EYS: variants seen among roughly 807,000 people sequenced by gnomAD.
EYS encodes protein eyes shut homolog.
Under a neutral mutation model 282.1 loss-of-function variants are expected in EYS, and 250 were observed. That is an observed-to-expected ratio of 0.89 (90% CI 0.80 to 0.98). EYS has a LOEUF of 0.98. Ranked by LOEUF, EYS falls within the 50% of genes least tolerant of loss-of-function variation. EYS has a pLI of 0.00. For synonymous variants in EYS, 1,355 were observed against 1,282.9 expected, an observed-to-expected ratio of 1.06 and a Z score of -1.20; for missense variants, 4,016 against 3,709.0, an observed-to-expected ratio of 1.08 and a Z score of -2.15.
intron 26 of EYS, among the ~76,000 whole-genome samples, chr6:64,508,551 T>TTTTTTATTATTA (rs149886419): frequency 4.9e-5 from 7 of 142,506 alleles, no homozygotes; most frequent in African/African-American, 1.8e-4. Context: ...TTTCTAAGTA[T>TTTTTTATTATTA]TTATTATTAT....
At chr6:65,175,089 T>A (rs1451491730) in intron 12 of EYS, among the ~76,000 whole-genome samples, 1 of 151,324 alleles carries the variant, frequency 6.6e-6, no homozygotes, top group Non-Finnish European at 1.5e-5. Flanking sequence ...CTTTTATTTT[T>A]TGAAACAGTA....
intron 14 of EYS, among the ~76,000 whole-genome samples, chr6:64,964,472 C>T (rs1770030512): frequency 6.6e-6 from 1 of 151,964 alleles, no homozygotes. Flanking sequence ...TGTTAAATTA[C>T]ATTTTTCTTT....
intron 26 of EYS, among the ~76,000 whole-genome samples, chr6:64,537,789 T>G (rs1386773150): frequency 1.3e-5 from 2 of 152,200 alleles, no homozygotes; most frequent in East Asian, 3.9e-4. Context: ...TGTGATAGAC[T>G]TATTCTTTTG....
At chr6:65,620,432 G>C (rs900104345) in intron 2 of EYS, among the ~76,000 whole-genome samples, 1 of 151,890 alleles carries the variant, frequency 6.6e-6, no homozygotes, top group Non-Finnish European at 1.5e-5. Context: ...GTGTCTATTT[G>C]ATTCTTCTCT....
chr6:65,567,096 T>C (rs73449358), intron 2 of EYS, among the ~76,000 whole-genome samples: 13,561 of 151,946 alleles, frequency 0.089, 839 homozygotes, highest in African/African-American at 0.15. Context: ...TGGATTGTTA[T>C]AAAATCTAGC....
At chr6:64,187,178 T>C (rs1220028073) in intron 31 of EYS, among the ~76,000 whole-genome samples, 7 of 152,130 alleles carry the variant, frequency 4.6e-5, no homozygotes, top group Non-Finnish European at 1.0e-4. Flanking sequence ...AAAGTGTGCA[T>C]TTGTACTTGG....
At chr6:65,344,256 A>C in intron 9 of EYS, 79 bp from the exon 10 acceptor site, 1 of 1,153,732 alleles carries the variant, frequency 8.7e-7, no homozygotes, top group Non-Finnish European at 1.3e-6. Context: ...GACTGTGGTC[A>C]AATTACTTGA....
intron 22 of EYS, among the ~76,000 whole-genome samples, chr6:64,789,216 G>C (rs1774108785): frequency 1.3e-5 from 2 of 152,058 alleles, no homozygotes; most frequent in South Asian, 2.1e-4. Flanking sequence ...CTCCTTACAA[G>C]ATTTTTAACA....
At chr6:65,545,174 C>T (rs2351261) in intron 2 of EYS, among the ~76,000 whole-genome samples, 113,241 of 151,548 alleles carry the variant, frequency 0.75, 43,050 homozygotes, top group African/African-American at 0.89. Context: ...AAAATTGCCT[C>T]AGCTTCCCAA....
chr6:64,926,182 G>A (rs527909693), intron 15 of EYS, among the ~76,000 whole-genome samples: 4 of 152,242 alleles, frequency 2.6e-5, no homozygotes, highest in Admixed American at 1.3e-4. Context: ...ACCCACTCAT[G>A]TCCTCTGAAG....
At chr6:64,646,160 A>G (rs1433134401) in intron 22 of EYS, among the ~76,000 whole-genome samples, 1 of 152,212 alleles carries the variant, frequency 6.6e-6, no homozygotes, top group Non-Finnish European at 1.5e-5. Flanking sequence ...GCTACAAGGC[A>G]TTTTCCAACC....
At chr6:63,892,394 G>A (rs1773432492) in intron 35 of EYS, among the ~76,000 whole-genome samples, 1 of 152,036 alleles carries the variant, frequency 6.6e-6, no homozygotes, top group Non-Finnish European at 1.5e-5. Flanking sequence ...ATAGACCAAT[G>A]GAACAGAACA....
chr6:63,989,431 A>C (rs899068628), intron 34 of EYS, among the ~76,000 whole-genome samples: 3 of 151,722 alleles, frequency 2.0e-5, no homozygotes, highest in Non-Finnish European at 4.4e-5. Flanking sequence ...AAAAAATAAC[A>C]CCAGCAATAT....
intron 28 of EYS, among the ~76,000 whole-genome samples, chr6:64,390,803 G>T (rs984975373): frequency 6.8e-6 from 1 of 147,816 alleles, no homozygotes; most frequent in Non-Finnish European, 1.5e-5. Flanking sequence ...AGAGAAGAAG[G>T]CTTCAGACGA....
intron 33 of EYS, among the ~76,000 whole-genome samples, chr6:64,062,672 CA>C (rs1771217388): frequency 1.0e-5 from 1 of 99,560 alleles, no homozygotes. Context: ...ACCTGGGGGA[CA>C]AGAGCAGAAC....
At chr6:65,500,693 T>A (rs79767995) in intron 2 of EYS, among the ~76,000 whole-genome samples, 1,627 of 152,138 alleles carry the variant, frequency 0.011, 26 homozygotes, top group African/African-American at 0.037. Context: ...GCCTTCACAT[T>A]ATAGTATCCT....
chr6:65,414,176 G>A (rs1225697902), intron 5 of EYS, among the ~76,000 whole-genome samples: 1 of 152,110 alleles, frequency 6.6e-6, no homozygotes, highest in African/African-American at 2.4e-5. Context: ...AGCATGCTTA[G>A]GTATTCAAGA....
intron 5 of EYS, chr6:65,490,345 A>G: frequency 3.2e-6 from 1 of 311,312 alleles, no homozygotes; most frequent in Non-Finnish European, 6.0e-6. Context: ...AGATGTAAGT[A>G]ATTTTATGGT....
chr6:64,220,092 TGGTG>T (rs1482208663), intron 31 of EYS, among the ~76,000 whole-genome samples: 1 of 152,018 alleles, frequency 6.6e-6, no homozygotes, highest in Non-Finnish European at 1.5e-5. Context: ...AATGACAAAT[TGGTG>T]GGTACAGCAC....
Sources: allele counts gnomAD v4.1 joint callset (sites outside exome capture counted in the v4.1 genomes callset), GRCh38; gene constraint gnomAD v4.1.1; transcripts MANE v1.5; gene names NCBI Gene and HGNC (gene_info 2026-07-23, HGNC 2026-07-21).